The following PPP2R3B variants were observed in gnomAD, a reference collection of about 807,000 sequenced individuals.
PPP2R3B encodes serine/threonine-protein phosphatase 2A regulatory subunit B'' subunit beta.
A neutral mutation model predicts 72.9 loss-of-function variants in PPP2R3B; 68 were observed. The ratio of observed to expected loss-of-function variants is 0.93; its 90% CI spans 0.77 to 1.14. The LOEUF (loss-of-function observed/expected upper bound fraction) is 1.14, where lower values mean the gene tolerates loss of function less well. Among genes scored for constraint, PPP2R3B ranks in the 50% most tolerant of loss-of-function variants. PPP2R3B has a pLI of 0.00. For missense variants in PPP2R3B, 1,018 were observed against 842.0 expected (o/e 1.21, Z -2.59); for synonymous variants, 466 against 375.8 (o/e 1.24, Z -2.78).
At chrX:373,433 A>G (rs1197947716) in intron 1 of PPP2R3B, 1 of 152,144 alleles carries the variant, frequency 6.6e-6, no homozygotes, top group Non-Finnish European at 1.5e-5. Context: ...CACGGCCAGC[A>G]GCGGCGAGCG....
chrX:352,921 G>A (rs1300811115), intron 2 of PPP2R3B, among the ~76,000 whole-genome samples: 2 of 151,338 alleles, frequency 1.3e-5, no homozygotes, highest in Admixed American at 6.6e-5. Context: ...ATGAACCAGT[G>A]GTGGGCTGTG....
intron 1 of PPP2R3B, among the ~76,000 whole-genome samples, chrX:384,762 A>C (rs1357515301): frequency 5.3e-5 from 8 of 151,852 alleles, no homozygotes; most frequent in Non-Finnish European, 7.4e-5. Context: ...AGGCGGGTGG[A>C]TCACCTGAGG....
intron 8 of PPP2R3B, 190 bp downstream of exon 8, chrX:341,693 G>GT: frequency 1.4e-6 from 1 of 718,374 alleles, no homozygotes; most frequent in Non-Finnish European, 2.4e-6. Context: ...CAGACTTCGC[G>GT]TGACAGTCTT....
chrX:369,777 G>A lies in PPP2R3B; in HGVS notation c.325-8187C>T, dbSNP rs571361315. 5.2e-4 allele frequency among the ~76,000 whole-genome samples: 79 copies of A among 152,358 alleles called. 1 individual carries two copies. The South Asian group carries it at 0.011, about 22-fold the overall frequency. ...CGATCAAAGCCACAGAGGAGGTGCCGGAGCAGCAGGGGGCCGGCGGAAGGG... is the reference window on the plus strand; with the variant it reads ...CGATCAAAGCCACAGAGGAGGTGCCAGAGCAGCAGGGGGCCGGCGGAAGGG... On this transcript the variant is annotated intron_variant, in intron 1 of 12. Coordinates refer to ENST00000390665, the MANE Select transcript of PPP2R3B (RefSeq NM_013239.5).
In PPP2R3B at chrX:334,082, C is replaced by T. The variant is rs370718160; in HGVS notation, c.*285G>A. On this transcript the variant is annotated 3_prime_UTR_variant, in exon 13 of 13. Transcript: ENST00000390665. ...TGCGCACACGGACCCTTTCCACAGACGCAGGCCCCGGAACCCAGGCTGGGT... is the reference window on the plus strand; with the variant it reads ...TGCGCACACGGACCCTTTCCACAGATGCAGGCCCCGGAACCCAGGCTGGGT... 8.0e-4 allele frequency: 270 copies of T among 336,644 alleles called. 1 individual carries two copies. In the Middle Eastern group the frequency reaches 0.015, roughly 19 times the overall value. 20.9% of individuals were successfully genotyped at this position (336,644 alleles called of 1,614,324 possible).
intron 1 of PPP2R3B, among the ~76,000 whole-genome samples, chrX:382,338 C>T (rs1384937308): frequency 1.3e-5 from 2 of 151,968 alleles, no homozygotes. Context: ...GCTGGGATTA[C>T]AGGTGCCCAC....
chrX:359,063 G>A (rs1435848737), intron 2 of PPP2R3B, among the ~76,000 whole-genome samples: 1 of 152,242 alleles, frequency 6.6e-6, no homozygotes, highest in African/African-American at 2.4e-5. Flanking sequence ...TGGGCTGCGC[G>A]AGCGGCTTTG....
intron 2 of PPP2R3B, among the ~76,000 whole-genome samples, chrX:356,453 T>C (rs1455306177): frequency 6.6e-6 from 1 of 152,070 alleles, no homozygotes; most frequent in East Asian, 1.9e-4. Flanking sequence ...TGACCTCAGG[T>C]GATCTGCCTA....
At chrX:362,175 C>G (rs1306089505) in intron 1 of PPP2R3B, 1 of 162,040 alleles carries the variant, frequency 6.2e-6, no homozygotes, top group Non-Finnish European at 1.4e-5. Flanking sequence ...CGGTGCACAG[C>G]CCACGCCCAC....
intron 1 of PPP2R3B, among the ~76,000 whole-genome samples, chrX:375,730 G>A (rs2071977012): frequency 6.6e-6 from 1 of 151,890 alleles, no homozygotes; most frequent in Non-Finnish European, 1.5e-5. Flanking sequence ...CCCTCCGAAA[G>A]TCAAAGATCA....
intron 1 of PPP2R3B, among the ~76,000 whole-genome samples, chrX:378,522 A>G (rs1443930558): frequency 6.6e-6 from 1 of 152,212 alleles, no homozygotes; most frequent in Non-Finnish European, 1.5e-5. Flanking sequence ...CAAGCCTATG[A>G]GACAGGAAGA....
chrX:341,852 G>T, intron 8 of PPP2R3B, 31 bp downstream of exon 8: 3 of 1,611,704 alleles, frequency 1.9e-6, no homozygotes, highest in Non-Finnish European at 2.5e-6. Context: ...CAGGGGCAAT[G>T]GCTGCCGTCA....
intron 1 of PPP2R3B, among the ~76,000 whole-genome samples, chrX:368,496 C>A (rs1273218971): frequency 8.0e-6 from 1 of 124,328 alleles, no homozygotes; most frequent in Admixed American, 7.8e-5. Flanking sequence ...GGGGGGAAGG[C>A]CGGGACCACC....
At chrX:340,209 GGGGGGT>G (rs2071021276) in intron 10 of PPP2R3B, among the ~76,000 whole-genome samples, 1 of 109,972 alleles carries the variant, frequency 9.1e-6, no homozygotes, top group South Asian at 3.6e-4. Flanking sequence ...ACGGGGGGGG[GGGGGGT>G]GAGGGGAGGA....
chrX:384,007 A>G (rs961006529), intron 1 of PPP2R3B, among the ~76,000 whole-genome samples: 40 of 150,688 alleles, frequency 2.7e-4, no homozygotes, highest in Middle Eastern at 3.4e-3. Context: ...TAAGACTGAC[A>G]GAACAGACTC....
At chrX:345,105 G>A in intron 7 of PPP2R3B, 1 of 475,048 alleles carries the variant, frequency 2.1e-6, no homozygotes, top group Non-Finnish European at 4.1e-6. Context: ...TAAGCCTGGG[G>A]CTCCACCTAG....
At chrX:367,857 AG>A (rs1339459449) in intron 1 of PPP2R3B, among the ~76,000 whole-genome samples, 13 of 152,028 alleles carry the variant, frequency 8.6e-5, no homozygotes, top group Non-Finnish European at 1.5e-4. Flanking sequence ...TTTTTTTTTG[AG>A]ATGGAAAAAG....
chrX:334,384 C>G lies in PPP2R3B; in HGVS notation c.1711G>C (p.Asp571His). 6.6e-7 allele frequency: 1 copy of G among 1,525,146 alleles called. No homozygotes were observed. Among genetic ancestry groups the G allele is most frequent in the South Asian group, 1.2e-5 (1 of 81,680 alleles). The allele number at this position is 1,525,146 out of a possible 1,614,324, so 94.5% of individuals were successfully genotyped here. A position where few individuals can be genotyped will look rare whatever the true frequency, so the allele number is the denominator to read the frequency against. The part of the protein sequence containing the change: ...DLYEYACGDE[D>H]LEPL Reference sequence around the variant, plus strand: ...GGGCGGCGTCACAGCGGCTCCAGGTCCTCGTCCCCGCATGCGTACTCGTAC... The same window carrying G: ...GGGCGGCGTCACAGCGGCTCCAGGTGCTCGTCCCCGCATGCGTACTCGTAC... Residue 571 changes from aspartate (D) to histidine (H), a missense_variant, in exon 13 of 13, where the codon GAC becomes CAC. By Grantham distance (81) the Asp-to-His change is moderately conservative. Transcript: ENST00000390665.
At chrX:372,554 G>A (rs780873737) in intron 1 of PPP2R3B, among the ~76,000 whole-genome samples, 1 of 152,298 alleles carries the variant, frequency 6.6e-6, no homozygotes, top group African/African-American at 2.4e-5. Flanking sequence ...ATTGTCACAG[G>A]AAGACTCTTA....
Sources: gnomAD v4.1 joint callset for allele counts (sites outside exome capture counted in the v4.1 genomes callset) on GRCh38, gnomAD v4.1.1 for gene constraint, MANE v1.5 for transcripts, NCBI Gene and HGNC (gene_info 2026-07-23, HGNC 2026-07-21) for gene names.